Variants in SPATS2 observed in about 807,000 individuals in gnomAD.
SPATS2 encodes spermatogenesis associated serine rich 2, also known as spermatogenesis-associated serine-rich protein 2.
Under a neutral mutation model 63.7 loss-of-function variants are expected in SPATS2, and 38 were observed. The ratio of observed to expected loss-of-function variants is 0.60; its 90% CI spans 0.46 to 0.78. SPATS2 has a LOEUF of 0.78. Ranked by LOEUF, SPATS2 falls within the 30% of genes least tolerant of loss-of-function variation. The pLI, the probability that SPATS2 is intolerant of heterozygous loss-of-function variation, is 0.00. For synonymous variants in SPATS2, 207 were observed against 232.9 expected, an observed-to-expected ratio of 0.89 and a Z score of 1.01; for missense variants, 588 against 666.2, an observed-to-expected ratio of 0.88 and a Z score of 1.29.
At position 49,437,843 on chromosome 12, in the gene SPATS2, GGGGAGA is replaced by G. The variant is rs993777230; in HGVS notation, c.-243-22906_-243-22901del. Among the ~76,000 whole-genome samples, 352 of 152,076 alleles carry G rather than the reference GGGGAGA, an allele frequency of 2.3e-3. 1 individual carries two copies. The highest frequency in any genetic ancestry group is 6.4e-3 in the African/African-American group (267 of 41,494). On this transcript the variant is annotated intron_variant, in intron 2 of 13. Coordinates refer to ENST00000552918, the MANE Select transcript of SPATS2 (RefSeq NM_023071.4). Reference sequence around the variant, plus strand: ...GGAAAAAGAGGGAGAGGGAGACCGTGGGGAGAGGGAGAGGGAGAGGGAGAGGAGGGA... The same window carrying G: ...GGAAAAAGAGGGAGAGGGAGACCGTGGGGAGAGGGAGAGGGAGAGGAGGGA...
At chr12:49,371,934 A>G (rs1413645229) in intron 2 of SPATS2, among the ~76,000 whole-genome samples, 1 of 140,962 alleles carries the variant, frequency 7.1e-6, no homozygotes, top group Non-Finnish European at 1.5e-5. Context: ...GATCCAAACT[A>G]TATCGCCCTC....
At chr12:49,518,255 T>C (rs1946882749) in intron 10 of SPATS2, among the ~76,000 whole-genome samples, 1 of 152,206 alleles carries the variant, frequency 6.6e-6, no homozygotes, top group Non-Finnish European at 1.5e-5. Context: ...TAGAGAACAT[T>C]CGTTGGGTGG....
chr12:49,384,207 C>T (rs1035613734), intron 2 of SPATS2, among the ~76,000 whole-genome samples: 2 of 152,224 alleles, frequency 1.3e-5, no homozygotes, highest in Admixed American at 6.5e-5. Flanking sequence ...CTCAAGTAAT[C>T]TTCTTGCCTC....
intron 10 of SPATS2, among the ~76,000 whole-genome samples, chr12:49,516,645 G>T (rs924606009): frequency 2.0e-5 from 3 of 151,612 alleles, no homozygotes; most frequent in Admixed American, 6.6e-5. Context: ...GGCAGAGGTT[G>T]CAGTGAGCCG....
At chr12:49,468,205 G>A (rs2137730183) in intron 3 of SPATS2, among the ~76,000 whole-genome samples, 1 of 143,570 alleles carries the variant, frequency 7.0e-6, no homozygotes, top group Non-Finnish European at 1.5e-5. Context: ...TTGTTGCCAG[G>A]CTGGAGTGCA....
intron 2 of SPATS2, among the ~76,000 whole-genome samples, chr12:49,407,380 G>A (rs1335530448): frequency 1.3e-5 from 2 of 152,114 alleles, no homozygotes; most frequent in African/African-American, 4.8e-5. Flanking sequence ...AGCTAAAGTT[G>A]TGACAGTGGA....
chr12:49,516,138 CAAAAAAAAAAAAAAA>C (rs57936702), intron 10 of SPATS2, among the ~76,000 whole-genome samples: 11 of 3,488 alleles, frequency 3.2e-3, no homozygotes, highest in Admixed American at 7.2e-3. Flanking sequence ...GACTCCATCT[CAAAAAAAAAAAAAAA>C]AAAAAAAAAA....
intron 8 of SPATS2, 29 bp downstream of exon 8, chr12:49,497,038 A>G: frequency 2.7e-6 from 4 of 1,505,654 alleles, no homozygotes; most frequent in Non-Finnish European, 3.5e-6. Context: ...TGTGAGAGAA[A>G]ATGAAAAATC....
At chr12:49,385,227 AT>A (rs1944291390) in intron 2 of SPATS2, among the ~76,000 whole-genome samples, 1 of 151,934 alleles carries the variant, frequency 6.6e-6, no homozygotes, top group South Asian at 2.1e-4. Flanking sequence ...GAGGGCAGAT[AT>A]TAAGCGAAGG....
chr12:49,414,935 C>CTTTTTTTTTTTTTTTTTT (rs199648430), intron 2 of SPATS2, among the ~76,000 whole-genome samples: 1 of 135,918 alleles, frequency 7.4e-6, no homozygotes, highest in African/African-American at 2.9e-5. Flanking sequence ...TTTTCTTTTT[C>CTTTTTTTTTTTTTTTTTT]TTTTCTTTTT....
rs1404000200 is a variant in SPATS2 at position 49,484,581 on chromosome 12, T to C, written c.26-9T>C. 2 of 1,613,266 alleles carry C rather than the reference T, an allele frequency of 1.2e-6. No individual in the cohort carries two copies. The highest frequency in any genetic ancestry group is 1.7e-6 in the Non-Finnish European group (2 of 1,179,484). ...TCATGTTGAATATATTTTTCCCTTATTCTTTCAGATTCATCAGGATTCATT... is the reference window on the plus strand; with the variant it reads ...TCATGTTGAATATATTTTTCCCTTACTCTTTCAGATTCATCAGGATTCATT... On this transcript the variant is annotated splice_polypyrimidine_tract_variant and intron_variant, in intron 3 of 13. Transcript: ENST00000552918.
chr12:49,430,099 G>GTTTTTTTTTTTTTTTTT (rs536889902), intron 2 of SPATS2, among the ~76,000 whole-genome samples: 1 of 98,468 alleles, frequency 1.0e-5, no homozygotes, highest in Non-Finnish European at 2.0e-5. Flanking sequence ...CATATTTCTT[G>GTTTTTTTTTTTTTTTTT]TTTTTTTTTT....
chr12:49,457,875 A>G (rs1438625802), intron 2 of SPATS2, among the ~76,000 whole-genome samples: 1 of 152,096 alleles, frequency 6.6e-6, no homozygotes, highest in Non-Finnish European at 1.5e-5. Flanking sequence ...TATTCTGTAT[A>G]TTTCCATAGG....
chr12:49,457,253 A>G (rs371653040), intron 2 of SPATS2, among the ~76,000 whole-genome samples: 1 of 151,784 alleles, frequency 6.6e-6, no homozygotes, highest in Middle Eastern at 3.2e-3. Flanking sequence ...CTCTTTTTTT[A>G]TAGTAGGTTT....
intron 2 of SPATS2, among the ~76,000 whole-genome samples, chr12:49,383,802 G>A (rs774826887): frequency 8.5e-5 from 13 of 152,114 alleles, no homozygotes; most frequent in Non-Finnish European, 1.3e-4. Context: ...TTCTAACAGT[G>A]TTTTAATGAA....
intron 9 of SPATS2, among the ~76,000 whole-genome samples, chr12:49,503,285 G>C (rs1353400162): frequency 6.6e-6 from 1 of 151,886 alleles, no homozygotes. Flanking sequence ...AGGAGGTGGA[G>C]GTTGCAGTGA....
At chr12:49,442,977 A>T (rs1349982569) in intron 2 of SPATS2, among the ~76,000 whole-genome samples, 3 of 152,092 alleles carry the variant, frequency 2.0e-5, no homozygotes, top group African/African-American at 7.2e-5. Flanking sequence ...TAGCTTAGGT[A>T]TCTCACATAA....
At chr12:49,460,203 C>T (rs549129505) in intron 2 of SPATS2, among the ~76,000 whole-genome samples, 38 of 152,232 alleles carry the variant, frequency 2.5e-4, no homozygotes, top group Non-Finnish European at 4.7e-4. Flanking sequence ...TGCCTGTAAT[C>T]CCAGCACTTT....
At chr12:49,433,039 A>G (rs1732226774) in intron 2 of SPATS2, among the ~76,000 whole-genome samples, 1 of 152,210 alleles carries the variant, frequency 6.6e-6, no homozygotes, top group African/African-American at 2.4e-5. Flanking sequence ...CCAGCAGTAC[A>G]CAAGGGTTCC....
Sources: allele counts gnomAD v4.1 joint callset (sites outside exome capture counted in the v4.1 genomes callset), GRCh38; gene constraint gnomAD v4.1.1; transcripts MANE v1.5; gene names NCBI Gene and HGNC (gene_info 2026-07-23, HGNC 2026-07-21).